Variants in ENOX2 observed in about 807,000 individuals in gnomAD.
The protein encoded by ENOX2 is APK1 antigen.
ENOX2 carries 36 observed loss-of-function variants against 45.0 expected under a neutral mutation model. The ratio of observed to expected loss-of-function variants is 0.80; its 90% CI spans 0.61 to 1.06. ENOX2 has a LOEUF of 1.06. Ranked by LOEUF, ENOX2 falls within the 50% of genes least tolerant of loss-of-function variation. ENOX2 has a pLI of 0.00. For synonymous variants in ENOX2, 174 were observed against 152.3 expected, an observed-to-expected ratio of 1.14 and a Z score of -1.05; for missense variants, 423 against 462.5, an observed-to-expected ratio of 0.91 and a Z score of 0.78.
intron 3 of ENOX2, among the ~76,000 whole-genome samples, chrX:130,776,959 G>A (rs1282065649): frequency 8.9e-6 from 1 of 111,851 alleles, no homozygotes; most frequent in African/African-American, 3.2e-5. Flanking sequence ...AAACAGATAC[G>A]GGGCCTCCCA....
chrX:130,865,760 T>G (rs2078484730), intron 2 of ENOX2, among the ~76,000 whole-genome samples: 1 of 111,510 alleles, frequency 9.0e-6, no homozygotes. Flanking sequence ...AAACTATGTC[T>G]TCCATTGGCT....
Position 130,623,437 on chromosome X carries a change from A to G in ENOX2, c.*1877T>C, listed in dbSNP as rs2035469065. On this transcript the variant is annotated 3_prime_UTR_variant, in exon 15 of 15. Transcript: ENST00000394363. The stretch of plus-strand genomic sequence containing the variant: ...ATGTGCAGGTTTGTTACATAGGTGA[A>G]CGTGTGCCATGGTGGTTTTGCTGCA... 1 of 110,765 alleles carries G rather than the reference A, an allele frequency of 9.0e-6. No homozygotes were observed. The highest frequency in any genetic ancestry group is 1.9e-5 in the Non-Finnish European group (1 of 52,997). 9.1% of individuals were successfully genotyped at this position (110,765 alleles called of 1,213,427 possible).
chrX:130,647,454 T>C (rs1603295318), intron 10 of ENOX2, among the ~76,000 whole-genome samples: 1 of 112,286 alleles, frequency 8.9e-6, no homozygotes, highest in Middle Eastern at 4.7e-3. Flanking sequence ...ATGAGAATGG[T>C]CATTATGGCT....
intron 2 of ENOX2, among the ~76,000 whole-genome samples, chrX:130,805,357 G>A (rs2077282511): frequency 1.8e-5 from 2 of 111,921 alleles, no homozygotes; most frequent in African/African-American, 6.5e-5. Flanking sequence ...TGGAACGGCA[G>A]GGAATAACAG....
chrX:130,628,376 T>A lies in ENOX2; in HGVS notation c.1529-333A>T, dbSNP rs757447301. 8.0e-5 allele frequency among the ~76,000 whole-genome samples: 9 copies of A among 112,131 alleles called. No homozygotes were observed. The East Asian group carries it at 2.5e-3, about 31-fold the overall frequency. On this transcript the variant is annotated intron_variant, in intron 13 of 14. Transcript: ENST00000394363. ...TATCACATGTAGAAAAGCTGGCATT[T>A]GAGGAGTCACTTTCATTACTTGTGA...
At chrX:130,705,444 A>G (rs1033053002) in intron 3 of ENOX2, among the ~76,000 whole-genome samples, 4 of 112,355 alleles carry the variant, frequency 3.6e-5, no homozygotes, top group African/African-American at 1.3e-4. Context: ...GTTATTTTCA[A>G]AATGTATAGT....
At chrX:130,679,432 C>A in intron 6 of ENOX2, 110 bp downstream of exon 6, 1 of 599,920 alleles carries the variant, frequency 1.7e-6, no homozygotes, top group South Asian at 2.7e-5. Flanking sequence ...CCTCTGAAGG[C>A]AAGAGCAGGT....
intron 11 of ENOX2, among the ~76,000 whole-genome samples, chrX:130,636,508 A>G (rs771437863): frequency 1.3e-4 from 15 of 112,135 alleles, no homozygotes; most frequent in African/African-American, 4.5e-4. Flanking sequence ...CAGAGGCACT[A>G]CTCCTTTACT....
intron 3 of ENOX2, among the ~76,000 whole-genome samples, chrX:130,734,755 G>A (rs192200182): frequency 2.3e-3 from 255 of 112,160 alleles, no homozygotes; most frequent in African/African-American, 7.5e-3. Context: ...TAAGGAGAAT[G>A]CATTCATACC....
chrX:130,649,359 A>G (rs140142834), intron 10 of ENOX2, among the ~76,000 whole-genome samples: 177 of 109,955 alleles, frequency 1.6e-3, no homozygotes, highest in African/African-American at 5.6e-3. Context: ...AACATTCTGT[A>G]CTCCTAAAAG....
intron 14 of ENOX2, 21 bp from the exon 15 acceptor site, chrX:130,625,466 C>G: frequency 2.5e-6 from 3 of 1,195,868 alleles, no homozygotes; most frequent in Non-Finnish European, 3.4e-6. Context: ...GAGAGAACAT[C>G]TCCATTCAAA....
intron 2 of ENOX2, among the ~76,000 whole-genome samples, chrX:130,807,940 T>C (rs749264710): frequency 1.8e-5 from 2 of 112,373 alleles, no homozygotes; most frequent in South Asian, 3.7e-4. Context: ...GTGGAACTTA[T>C]ATGAAACAAT....
chrX:130,868,230 A>G (rs758870909), intron 2 of ENOX2, among the ~76,000 whole-genome samples: 15 of 111,981 alleles, frequency 1.3e-4, no homozygotes, highest in Non-Finnish European at 2.8e-4. Flanking sequence ...CAAATTTCAT[A>G]GAATTATTCA....
chrX:130,756,332 A>G (rs754050537), intron 3 of ENOX2, among the ~76,000 whole-genome samples: 1 of 112,115 alleles, frequency 8.9e-6, no homozygotes, highest in East Asian at 2.8e-4. Flanking sequence ...CCTTCCTGGG[A>G]AGGCTATTTA....
rs755312247 is a variant in ENOX2 at position 130,651,975 on chromosome X, GAAC to G, written c.1129+4603_1129+4605del. On this transcript the variant is annotated intron_variant, in intron 10 of 14. Transcript: ENST00000394363. Reference sequence around the variant, plus strand: ...CTCCATTGCCTCCTTCCTTTTTATTGAACAACAACAACAACAACAAAAACCCTT... The same window carrying G: ...CTCCATTGCCTCCTTCCTTTTTATTGAACAACAACAACAACAAAAACCCTT... 1.8e-3 allele frequency among the ~76,000 whole-genome samples: 193 copies of G among 109,954 alleles called. 1 individual carries two copies. Among genetic ancestry groups the G allele is most frequent in the Non-Finnish European group, 3.1e-3 (165 of 52,591 alleles).
intron 2 of ENOX2, among the ~76,000 whole-genome samples, chrX:130,843,252 C>T (rs1164436576): frequency 9.0e-6 from 1 of 111,289 alleles, no homozygotes; most frequent in African/African-American, 3.3e-5. Context: ...ATATTCTTCC[C>T]TCTCTCCCAT....
chrX:130,723,492 T>C (rs2148277251), intron 3 of ENOX2, among the ~76,000 whole-genome samples: 1 of 112,452 alleles, frequency 8.9e-6, no homozygotes, highest in Non-Finnish European at 1.9e-5. Flanking sequence ...ATATTTGCAT[T>C]CTACTAGGAA....
intron 3 of ENOX2, among the ~76,000 whole-genome samples, chrX:130,756,901 C>G (rs757113245): frequency 8.9e-6 from 1 of 112,236 alleles, no homozygotes; most frequent in East Asian, 2.8e-4. Context: ...ATAGTTGCCT[C>G]TGAAAAAGAT....
Position 130,847,099 on chromosome X carries a change from G to A in ENOX2, c.-183+54585C>T, listed in dbSNP as rs1408812009. Reference sequence around the variant, plus strand: ...TATTTGTAACGAAATGTGTTTTCACGTTTGTGTTAAAGATGAATCTCTGGG... The same window carrying A: ...TATTTGTAACGAAATGTGTTTTCACATTTGTGTTAAAGATGAATCTCTGGG... On this transcript the variant is annotated intron_variant, in intron 2 of 14. Transcript: ENST00000394363. Among the ~76,000 whole-genome samples the A allele has an allele frequency of 4.5e-5, 5 of 111,666 alleles. No homozygotes were observed. In the Admixed American group the frequency reaches 4.7e-4, roughly 11 times the overall value.
Sources: allele counts gnomAD v4.1 joint callset (sites outside exome capture counted in the v4.1 genomes callset), GRCh38; gene constraint gnomAD v4.1.1; transcripts MANE v1.5; gene names NCBI Gene and HGNC (gene_info 2026-07-23, HGNC 2026-07-21).